CNTLN: variants seen among roughly 807,000 people sequenced by gnomAD.
CNTLN encodes the protein centlein.
Under a neutral mutation model 180.0 loss-of-function variants are expected in CNTLN, and 212 were observed. The observed-to-expected ratio is 1.18, with a 90% CI of 1.05 to 1.32. The LOEUF is 1.32. CNTLN is among the 40% of genes most tolerant of loss of function. The pLI is 0.00. For synonymous variants in CNTLN, 722 were observed against 563.1 expected (o/e 1.28, Z -3.99); for missense variants, 2,095 against 1,610.9 (o/e 1.30, Z -5.14).
At chr9:17,506,985 C>A (rs901508271), downstream of CNTLN, among the ~76,000 whole-genome samples, 1 of 152,096 alleles carries the variant, frequency 6.6e-6, no homozygotes, top group African/African-American at 2.4e-5. Context: ...TAAGAACATT[C>A]AAAATCCTGT....
intron 8 of CNTLN, among the ~76,000 whole-genome samples, chr9:17,311,270 C>T (rs1478491848): frequency 6.6e-6 from 1 of 151,860 alleles, no homozygotes; most frequent in African/African-American, 2.4e-5. Context: ...GGTGATCCAC[C>T]CGCCGTGGCC....
intron 12 of CNTLN, among the ~76,000 whole-genome samples, chr9:17,357,602 CAT>C (rs200119813): frequency 7.1e-6 from 1 of 140,996 alleles, no homozygotes; most frequent in Non-Finnish European, 1.5e-5. Flanking sequence ...ATAAATACTA[CAT>C]ATATATATAA....
Position 17,457,514 on chromosome 9 carries a change from TAA to T in CNTLN, c.3115-3_3115-2del, listed in dbSNP as rs35399020. On this transcript the variant is annotated splice_polypyrimidine_tract_variant and splice_region_variant and intron_variant, in intron 18 of 25. Transcript: ENST00000380647. The stretch of plus-strand genomic sequence containing the variant: ...TATATTTATATTTATTTTCTTTTTT[TAA>T]AAAAAAGAAGCTAAATTTGGATTTG... 13 of 1,376,116 alleles carry T rather than the reference TAA, an allele frequency of 9.4e-6. No individual in the cohort carries two copies. Among genetic ancestry groups the T allele is most frequent in the Admixed American group, 7.9e-5 (3 of 37,932 alleles). The allele number at this position is 1,376,116 out of a possible 1,614,324, so 85.2% of individuals were successfully genotyped here.
At chr9:17,508,673 C>G (rs1833976043), downstream of CNTLN, among the ~76,000 whole-genome samples, 1 of 152,144 alleles carries the variant, frequency 6.6e-6, no homozygotes, top group Non-Finnish European at 1.5e-5. Context: ...AATGTATAGC[C>G]TTTTGACATT....
At chr9:17,416,691 C>T (rs1227082650) in intron 18 of CNTLN, among the ~76,000 whole-genome samples, 3 of 152,048 alleles carry the variant, frequency 2.0e-5, no homozygotes, top group Non-Finnish European at 4.4e-5. Flanking sequence ...GTTCTTTTTA[C>T]TCAGGCAAAT....
chr9:17,363,487 T>A (rs1823568559), intron 12 of CNTLN, among the ~76,000 whole-genome samples: 1 of 151,958 alleles, frequency 6.6e-6, no homozygotes, highest in African/African-American at 2.4e-5. Flanking sequence ...TTCTTGCCTT[T>A]GATTTGATAC....
intron 5 of CNTLN, among the ~76,000 whole-genome samples, chr9:17,248,773 G>A (rs1433818155): frequency 1.3e-5 from 2 of 151,268 alleles, no homozygotes; most frequent in Non-Finnish European, 2.9e-5. Flanking sequence ...AAACCTGAAC[G>A]GACCAGTAAT....
Position 17,394,634 on chromosome 9 carries a change from C to A in CNTLN, c.2180C>A (p.Ser727Tyr), listed in dbSNP as rs528114805. The change falls in exon 15 of 26, where the codon TCC becomes TAC. Residue 727 changes from serine to tyrosine, a missense_variant. Transcript: ENST00000380647. The stretch of plus-strand genomic sequence containing the variant: ...ATGAAAGAAAATGATTTTCTGAAAT[C>A]CCTCTTAAAACAGCAACAAGAAGAT... ...KLMKENDFLK[S>Y]LLKQQQEDTE... is the part of the protein sequence containing the mutation. 11 of 1,604,930 alleles carry A rather than the reference C, an allele frequency of 6.9e-6. No homozygotes were observed. In the African/African-American group the frequency reaches 8.1e-5, roughly 12 times the overall value.
intron 5 of CNTLN, among the ~76,000 whole-genome samples, chr9:17,265,007 C>G (rs893489091): frequency 1.4e-5 from 2 of 144,738 alleles, no homozygotes; most frequent in Admixed American, 6.9e-5. Flanking sequence ...TTGACTTCCT[C>G]TTTTCCTAAT....
chr9:17,471,040 A>T (rs1280321998), intron 23 of CNTLN, among the ~76,000 whole-genome samples: 2 of 152,090 alleles, frequency 1.3e-5, no homozygotes, highest in Non-Finnish European at 1.5e-5. Context: ...CTGTCATTAT[A>T]CTGAAAAAGG....
chr9:17,328,221 G>C (rs570308382), intron 8 of CNTLN, among the ~76,000 whole-genome samples: 39 of 152,186 alleles, frequency 2.6e-4, no homozygotes, highest in Admixed American at 1.8e-3. Flanking sequence ...TTAAAGGTTT[G>C]GTACATTTTT....
chr9:17,438,319 A>G (rs74937496), intron 18 of CNTLN, among the ~76,000 whole-genome samples: 1,703 of 152,280 alleles, frequency 0.011, 34 homozygotes, highest in African/African-American at 0.039. Flanking sequence ...AGATCTAGAC[A>G]ATATTAGTAG....
intron 2 of CNTLN, among the ~76,000 whole-genome samples, chr9:17,192,814 A>C (rs1225613045): frequency 6.6e-6 from 1 of 152,208 alleles, no homozygotes; most frequent in Non-Finnish European, 1.5e-5. Flanking sequence ...AAAATCTTCT[A>C]TTAATAAATT....
intron 5 of CNTLN, among the ~76,000 whole-genome samples, chr9:17,270,849 C>T (rs10962989): frequency 0.2 from 29,849 of 151,292 alleles, 3,598 homozygotes; most frequent in African/African-American, 0.34. Context: ...GTAATATAGT[C>T]GCATGGCTCA....
chr9:17,308,715 C>T (rs1017107355), intron 7 of CNTLN, among the ~76,000 whole-genome samples: 1 of 151,042 alleles, frequency 6.6e-6, no homozygotes, highest in Non-Finnish European at 1.5e-5. Context: ...TTTCATAATT[C>T]CCTCCATGAT....
chr9:17,484,572 A>G (rs370448969), intron 24 of CNTLN, 92 bp downstream of exon 24: 7 of 1,043,606 alleles, frequency 6.7e-6, no homozygotes, highest in Non-Finnish European at 6.8e-6. Context: ...TTAGAATTTC[A>G]TCTTTAAGAG....
intron 8 of CNTLN, among the ~76,000 whole-genome samples, chr9:17,323,775 A>C (rs1820078923): frequency 6.6e-6 from 1 of 152,228 alleles, no homozygotes; most frequent in South Asian, 2.1e-4. Flanking sequence ...ATTTAATAAA[A>C]TGTGAACAAA....
At position 17,340,808 on chromosome 9, in the gene CNTLN, G is replaced by A; in HGVS notation, c.1645-19G>A. 1 of 1,592,438 alleles carries A rather than the reference G, an allele frequency of 6.3e-7. No homozygotes were observed. The highest frequency in any genetic ancestry group is 8.5e-7 in the Non-Finnish European group (1 of 1,171,068). On this transcript the variant is annotated intron_variant, in intron 10 of 25. Coordinates refer to ENST00000380647, the MANE Select transcript of CNTLN (RefSeq NM_017738.4). Reference sequence around the variant, plus strand: ...ACTTTCTTCAAACTTATATATACTTGCTTTTTTGTGTTCTACAGAGCCAAG... The same window carrying A: ...ACTTTCTTCAAACTTATATATACTTACTTTTTTGTGTTCTACAGAGCCAAG...
At chr9:17,466,924 T>C in intron 23 of CNTLN, 33 bp downstream of exon 23, 1 of 1,550,574 alleles carries the variant, frequency 6.4e-7, no homozygotes, top group Non-Finnish European at 8.8e-7. Context: ...TAACTTGTAC[T>C]TTACTTTAGG....
Sources: allele counts gnomAD v4.1 joint callset (sites outside exome capture counted in the v4.1 genomes callset), GRCh38; gene constraint gnomAD v4.1.1; transcripts MANE v1.5; gene names NCBI Gene and HGNC (gene_info 2026-07-23, HGNC 2026-07-21).